The following SPMIP7 variants were observed in gnomAD, a reference collection of about 807,000 sequenced individuals.
The protein encoded by SPMIP7 is protein SPMIP7.
At chr7:50,112,974 C>G in the SPMIP7 span, among the ~76,000 whole-genome samples, 2 of 151,092 alleles carry the variant, frequency 1.3e-5, no homozygotes, top group African/African-American at 4.9e-5. Flanking sequence ...ACTACTAAAG[C>G]TAAGGAAAAA....
the SPMIP7 span, among the ~76,000 whole-genome samples, chr7:50,128,050 T>C: frequency 6.6e-6 from 1 of 151,980 alleles, no homozygotes; most frequent in African/African-American, 2.4e-5. Context: ...TTAGGCAAAA[T>C]GTGGAATCAA....
the SPMIP7 span, among the ~76,000 whole-genome samples, chr7:50,096,987 A>C: frequency 1.3e-5 from 2 of 152,234 alleles, no homozygotes; most frequent in Non-Finnish European, 2.9e-5. Flanking sequence ...CTTTGAAAGA[A>C]TGAATTCACT....
chr7:50,158,259 C>A, the SPMIP7 span, among the ~76,000 whole-genome samples: 3 of 151,580 alleles, frequency 2.0e-5, no homozygotes. Context: ...CTCCCACCCC[C>A]CATGTCTTTT....
At chr7:50,145,424 C>T in the SPMIP7 span, among the ~76,000 whole-genome samples, 1 of 150,628 alleles carries the variant, frequency 6.6e-6, no homozygotes, top group Admixed American at 6.6e-5. Flanking sequence ...GCTTTGCAGT[C>T]ATGAGTCATC....
the SPMIP7 span, among the ~76,000 whole-genome samples, chr7:50,113,459 T>C: frequency 6.6e-6 from 1 of 152,134 alleles, no homozygotes; most frequent in Non-Finnish European, 1.5e-5. Context: ...GTTCAGATCA[T>C]AGAGACAGCC....
At chr7:50,098,786 T>C in the SPMIP7 span, among the ~76,000 whole-genome samples, 1 of 152,034 alleles carries the variant, frequency 6.6e-6, no homozygotes, top group East Asian at 1.9e-4. Flanking sequence ...CCTCCCGAAG[T>C]CTTCACCTCC....
At chr7:50,123,058 C>T in the SPMIP7 span, among the ~76,000 whole-genome samples, 1 of 141,270 alleles carries the variant, frequency 7.1e-6, no homozygotes, top group African/African-American at 2.7e-5. Context: ...CCAGCCATCC[C>T]ATTACTGGGT....
the SPMIP7 span, among the ~76,000 whole-genome samples, chr7:50,149,649 A>G: frequency 1.3e-5 from 2 of 152,314 alleles, no homozygotes; most frequent in East Asian, 3.9e-4. Flanking sequence ...TGCTGTTGCC[A>G]TAGATGTAAT....
chr7:50,106,279 CA>C, the SPMIP7 span, among the ~76,000 whole-genome samples: 5 of 152,108 alleles, frequency 3.3e-5, no homozygotes, highest in Non-Finnish European at 7.3e-5. Context: ...AAGAGGCAAC[CA>C]AAAGTTTGAT....
the SPMIP7 span, among the ~76,000 whole-genome samples, chr7:50,125,048 G>A: frequency 1.3e-5 from 2 of 148,418 alleles, no homozygotes; most frequent in Admixed American, 6.9e-5. Flanking sequence ...GCAGTGAGCC[G>A]AGATCATGCC....
At chr7:50,140,048 G>A in the SPMIP7 span, 1 of 847,950 alleles carries the variant, frequency 1.2e-6, no homozygotes, top group Non-Finnish European at 1.8e-6. Flanking sequence ...TATCTGTGAA[G>A]GCTTTTGTCT....
the SPMIP7 span, among the ~76,000 whole-genome samples, chr7:50,138,314 C>CAT: frequency 5.9e-5 from 9 of 152,200 alleles, no homozygotes; most frequent in East Asian, 1.3e-3. Flanking sequence ...TCACAATGAG[C>CAT]ATTTGCAAAA....
chr7:50,125,115 T>TATATATATATATATATATATATAC, the SPMIP7 span, among the ~76,000 whole-genome samples: 7 of 25,418 alleles, frequency 2.8e-4, no homozygotes, highest in African/African-American at 1.4e-3. Flanking sequence ...TATATATATA[T>TATATATATATATATATATATATAC]ACACACACAC....
At chr7:50,101,017 C>G in the SPMIP7 span, among the ~76,000 whole-genome samples, 676 of 152,072 alleles carry the variant, frequency 4.4e-3, 2 homozygotes, top group Non-Finnish European at 6.7e-3. Flanking sequence ...GGAAAAGACA[C>G]TGTATGATTT....
At chr7:50,130,817 T>C in the SPMIP7 span, among the ~76,000 whole-genome samples, 2 of 151,858 alleles carry the variant, frequency 1.3e-5, no homozygotes, top group African/African-American at 2.4e-5. Flanking sequence ...AGAGGGAATA[T>C]AGAGCAAAAG....
chr7:50,108,645 C>T, the SPMIP7 span, among the ~76,000 whole-genome samples: 22 of 152,142 alleles, frequency 1.4e-4, no homozygotes, highest in African/African-American at 4.6e-4. Flanking sequence ...ATGATGACTC[C>T]AGCTGATGGG....
the SPMIP7 span, among the ~76,000 whole-genome samples, chr7:50,148,290 A>G: frequency 3.8e-4 from 58 of 152,354 alleles, no homozygotes; most frequent in African/African-American, 1.4e-3. Flanking sequence ...AAATGTTATT[A>G]TTAAATATGA....
the SPMIP7 span, among the ~76,000 whole-genome samples, chr7:50,154,236 C>A: frequency 6.6e-6 from 1 of 152,098 alleles, no homozygotes; most frequent in Non-Finnish European, 1.5e-5. Flanking sequence ...TTTCCCCTTC[C>A]CCCTGTGGTC....
chr7:50,114,248 T>C, the SPMIP7 span, among the ~76,000 whole-genome samples: 2 of 152,092 alleles, frequency 1.3e-5, no homozygotes, highest in South Asian at 4.1e-4. Context: ...TGGGTAAATA[T>C]AAAATACTAT....
Sources: allele counts gnomAD v4.1 joint callset (sites outside exome capture counted in the v4.1 genomes callset), GRCh38; gene constraint gnomAD v4.1.1; transcripts MANE v1.5; gene names NCBI Gene and HGNC (gene_info 2026-07-23, HGNC 2026-07-21).